HEATR5B: variants seen among roughly 807,000 people sequenced by gnomAD.
HEATR5B encodes the protein HEAT repeat-containing protein 5B.
In HEATR5B, 156 loss-of-function variants were observed where a neutral mutation model predicts 224.1. That is an observed-to-expected ratio of 0.70 (90% CI 0.61 to 0.80). The LOEUF is 0.80. Among genes scored for constraint, HEATR5B ranks in the 30% least tolerant of loss-of-function variants. The pLI is 0.00. For synonymous variants in HEATR5B, 1,027 were observed against 893.0 expected (o/e 1.15, Z -2.68); for missense variants, 2,323 against 2,535.5 (o/e 0.92, Z 1.80).
intron 22 of HEATR5B, among the ~76,000 whole-genome samples, chr2:37,031,028 C>T (rs867632201): frequency 1.1e-4 from 16 of 152,308 alleles, no homozygotes; most frequent in Middle Eastern, 3.4e-3. Context: ...CCTATGGCAT[C>T]AGCCCCCAAT....
At chr2:37,000,218 C>T (rs977570404) in intron 33 of HEATR5B, among the ~76,000 whole-genome samples, 4 of 151,908 alleles carry the variant, frequency 2.6e-5, no homozygotes, top group African/African-American at 9.7e-5. Flanking sequence ...GCTGGGATTA[C>T]AGGCACGTGC....
At chr2:36,985,007 T>C (rs1665850642) in intron 35 of HEATR5B, among the ~76,000 whole-genome samples, 1 of 152,206 alleles carries the variant, frequency 6.6e-6, no homozygotes, top group Non-Finnish European at 1.5e-5. Context: ...TATTTTTAGC[T>C]TATAACCTTG....
At chr2:37,030,138 G>C (rs1669035078) in intron 22 of HEATR5B, among the ~76,000 whole-genome samples, 1 of 152,032 alleles carries the variant, frequency 6.6e-6, no homozygotes, top group African/African-American at 2.4e-5. Flanking sequence ...CTGAAGTCTA[G>C]AGCCCACTGA....
At chr2:37,079,992 T>C (rs1218943666) in intron 2 of HEATR5B, among the ~76,000 whole-genome samples, 1 of 152,018 alleles carries the variant, frequency 6.6e-6, no homozygotes, top group Non-Finnish European at 1.5e-5. Flanking sequence ...TTTACGTGGA[T>C]TAATTAGAAA....
intron 27 of HEATR5B, 143 bp from the exon 28 acceptor site, chr2:37,008,991 G>A: frequency 1.5e-6 from 1 of 680,000 alleles, no homozygotes. Flanking sequence ...TGGGTGCGGT[G>A]GCTCACACCT....
chr2:37,014,139 A>C, intron 26 of HEATR5B, 119 bp from the exon 27 acceptor site: 1 of 516,808 alleles, frequency 1.9e-6, no homozygotes. Context: ...AAACAAAATA[A>C]ACTACCCAAT....
chr2:37,026,657 T>C (rs373920100), intron 24 of HEATR5B, among the ~76,000 whole-genome samples: 7 of 152,308 alleles, frequency 4.6e-5, no homozygotes, highest in African/African-American at 1.7e-4. Context: ...CTTCTATGTA[T>C]CCCTACCATA....
intron 21 of HEATR5B, among the ~76,000 whole-genome samples, chr2:37,033,070 G>A (rs960955415): frequency 2.0e-5 from 3 of 151,682 alleles, no homozygotes; most frequent in African/African-American, 7.3e-5. Flanking sequence ...TAGTAGTGTC[G>A]GGTTTTCACC....
At position 36,981,647 on chromosome 2, in the gene HEATR5B, G is replaced by A. The variant is rs759591767; in HGVS notation, c.6059C>T (p.Ala2020Val). The change falls in exon 36 of 36, where the codon GCT (alanine) becomes GTT (valine). Residue 2020 changes from alanine (A) to valine (V), a missense_variant. This residue lies in a region of HEATR5B where 844 missense variants were observed against 812.9 expected (regional missense o/e 1.04). Transcript: ENST00000233099. ...LMHIGPLYPHAFKTVMGAAPE... is the reference protein window; with the variant it reads ...LMHIGPLYPHVFKTVMGAAPE... ...AGCAGCCCCCATTACTGTCTTGAAA[G>A]CATGTGGATACAGAGGTCCAATATG... 5 of 1,614,036 alleles carry A rather than the reference G, an allele frequency of 3.1e-6. No homozygotes were observed. The highest frequency in any genetic ancestry group is 4.2e-6 in the Non-Finnish European group (5 of 1,180,038).
intron 8 of HEATR5B, among the ~76,000 whole-genome samples, chr2:37,068,021 T>A (rs1173177037): frequency 6.6e-6 from 1 of 152,144 alleles, no homozygotes; most frequent in African/African-American, 2.4e-5. Context: ...ACTAAACTTT[T>A]AGAATTTATA....
intron 28 of HEATR5B, 65 bp downstream of exon 28, chr2:37,008,546 G>A (rs548880225): frequency 2.6e-5 from 28 of 1,081,736 alleles, no homozygotes; most frequent in Middle Eastern, 2.0e-4. Flanking sequence ...AGTCTATACC[G>A]TCTCTATTTT....
intron 1 of HEATR5B, 35 bp downstream of exon 1, chr2:37,084,234 C>G (rs1207779437): frequency 2.7e-6 from 1 of 376,196 alleles, no homozygotes; most frequent in Non-Finnish European, 4.7e-6. Flanking sequence ...GACAGGAGTC[C>G]GTGCGTGTCA....
chr2:37,028,369 A>G (rs1266325719), intron 23 of HEATR5B, among the ~76,000 whole-genome samples, 195 bp from the exon 24 acceptor site: 2 of 152,166 alleles, frequency 1.3e-5, no homozygotes, highest in African/African-American at 2.4e-5. Context: ...TTTTATGTAA[A>G]CTACATTTAA....
chr2:37,020,838 T>A lies in HEATR5B; in HGVS notation c.3854-2A>T. The A allele has an allele frequency of 6.8e-7, 1 of 1,467,996 alleles. No individual in the cohort carries two copies. Among genetic ancestry groups the A allele is most frequent in the Non-Finnish European group, 9.1e-7 (1 of 1,104,256 alleles). 90.9% of individuals were successfully genotyped at this position (1,467,996 alleles called of 1,614,324 possible). On this transcript the variant is annotated splice_acceptor_variant, in intron 24 of 35. Transcript: ENST00000233099. LOFTEE classifies it high-confidence loss of function. ...AGAGATGAAGTACCAAGAGGTCATCTAAAAATAAAAATAGAATGCAAAAAT... is the reference window on the plus strand; with the variant it reads ...AGAGATGAAGTACCAAGAGGTCATCAAAAAATAAAAATAGAATGCAAAAAT...
intron 22 of HEATR5B, among the ~76,000 whole-genome samples, chr2:37,031,436 T>TTCTC (rs1204068530): frequency 7.6e-6 from 1 of 131,734 alleles, no homozygotes; most frequent in Non-Finnish European, 1.6e-5. Context: ...TTTTCTTTCT[T>TTCTC]TTTTTTTTTT....
intron 22 of HEATR5B, among the ~76,000 whole-genome samples, chr2:37,030,863 T>G (rs1014615485): frequency 2.0e-5 from 3 of 152,232 alleles, no homozygotes; most frequent in African/African-American, 4.8e-5. Flanking sequence ...AATTGCAAGG[T>G]TAGCCCTTGG....
chr2:37,040,464 G>A lies in HEATR5B; in HGVS notation c.2911C>T (p.Arg971Cys), dbSNP rs1264981851. Residue 971 changes from arginine to cysteine, a missense_variant, in exon 20 of 36, where the codon CGT (arginine) becomes TGT (cysteine). Physicochemically the swap from Arg to Cys is radical, Grantham distance 180 (BLOSUM62 -3). This residue lies in a region of HEATR5B where 44 missense variants were observed against 39.0 expected (regional missense o/e 1.13). Coordinates refer to ENST00000233099, the MANE Select transcript of HEATR5B (RefSeq NM_019024.3). The stretch of plus-strand genomic sequence containing the variant: ...GATAATGTTGGTTCCACATAGCCAC[G>A]ATACATCGGACCACTAGAATCCACT... ...LIVDSSGPMYRGYVEPTLSLV... is the reference protein window; with the variant it reads ...LIVDSSGPMYCGYVEPTLSLV... 1.2e-6 allele frequency: 2 copies of A among 1,613,826 alleles called. No homozygotes were observed. The highest frequency in any genetic ancestry group is 1.6e-4 in the Middle Eastern group (1 of 6,062).
intron 34 of HEATR5B, among the ~76,000 whole-genome samples, chr2:36,989,285 C>G (rs1313014240): frequency 6.6e-6 from 1 of 152,074 alleles, no homozygotes; most frequent in Non-Finnish European, 1.5e-5. Flanking sequence ...GGGGTTTCAC[C>G]ATGTTGGTCA....
chr2:37,038,053 T>A, intron 20 of HEATR5B, 29 bp from the exon 21 acceptor site: 1 of 1,401,700 alleles, frequency 7.1e-7, no homozygotes, highest in Non-Finnish European at 9.5e-7. Context: ...AAATATAAAA[T>A]ATAATTATTT....
Sources: gnomAD v4.1 joint callset for allele counts (sites outside exome capture counted in the v4.1 genomes callset) on GRCh38, gnomAD v4.1.1 for gene constraint, gnomAD v4.1.1 regional missense constraint, MANE v1.5 for transcripts, NCBI Gene and HGNC (gene_info 2026-07-23, HGNC 2026-07-21) for gene names.